Variants in SPAG16 observed in about 807,000 individuals in gnomAD.
SPAG16 encodes the protein sperm-associated antigen 16 protein.
Under a neutral mutation model 80.4 loss-of-function variants are expected in SPAG16, and 86 were observed. The observed-to-expected ratio is 1.07, with a 90% CI of 0.90 to 1.28. The LOEUF is 1.28. Among genes scored for constraint, SPAG16 ranks in the 50% most tolerant of loss-of-function variants. SPAG16 has a pLI of 0.00. For synonymous variants in SPAG16, 294 were observed against 265.9 expected, an observed-to-expected ratio of 1.11 and a Z score of -1.03; for missense variants, 870 against 765.3, an observed-to-expected ratio of 1.14 and a Z score of -1.61.
At chr2:213,996,100 G>A (rs1454694948) in intron 12 of SPAG16, among the ~76,000 whole-genome samples, 1 of 152,166 alleles carries the variant, frequency 6.6e-6, no homozygotes, top group Non-Finnish European at 1.5e-5. Context: ...TATTCCAGAG[G>A]CAAGGAATTA....
chr2:213,648,000 T>C (rs2062883171), intron 10 of SPAG16, among the ~76,000 whole-genome samples: 1 of 152,214 alleles, frequency 6.6e-6, no homozygotes, highest in African/African-American at 2.4e-5. Flanking sequence ...CCCAGAAATG[T>C]CTACTCTCTT....
intron 10 of SPAG16, among the ~76,000 whole-genome samples, chr2:213,624,774 A>G (rs1259513472): frequency 6.6e-6 from 1 of 152,166 alleles, no homozygotes; most frequent in Non-Finnish European, 1.5e-5. Context: ...TGGACAAGAT[A>G]CTTAAGGCCT....
Position 213,317,226 on chromosome 2 carries a change from T to A in SPAG16, c.406T>A (p.Leu136Ile), listed in dbSNP as rs1449043844. The A allele has an allele frequency of 6.3e-7, 1 of 1,589,688 alleles. No homozygotes were observed. The highest frequency in any genetic ancestry group is 8.6e-7 in the Non-Finnish European group (1 of 1,166,596). The change falls in exon 5 of 16, where the codon TTA becomes ATA. Residue 136 changes from leucine (L) to isoleucine (I), a missense_variant. Physicochemically the swap from Leu to Ile is conservative, Grantham distance 5. Transcript: ENST00000331683. ...LDCFQSEWYELIQKGVTELRT... is the reference protein window; with the variant it reads ...LDCFQSEWYEIIQKGVTELRT... ...TGTTTGATTTTATCCTAGGTATGAG[T>A]TAATACAGAAAGGAGTGACTGAACT...
chr2:213,906,957 T>C (rs1453702206), intron 11 of SPAG16, among the ~76,000 whole-genome samples: 2 of 151,950 alleles, frequency 1.3e-5, no homozygotes, highest in Non-Finnish European at 2.9e-5. Context: ...TAGACAAAGA[T>C]TTTGTGGGTA....
chr2:214,315,717 A>T (rs1359677092), intron 15 of SPAG16, among the ~76,000 whole-genome samples: 2 of 151,780 alleles, frequency 1.3e-5, no homozygotes, highest in Non-Finnish European at 2.9e-5. Context: ...TTTTTTGTAG[A>T]GTTGGGGTCT....
intron 15 of SPAG16, among the ~76,000 whole-genome samples, chr2:214,271,519 G>T (rs1691999346): frequency 6.6e-6 from 1 of 152,150 alleles, no homozygotes; most frequent in African/African-American, 2.4e-5. Context: ...AAGAGAAACT[G>T]GCCACGTGTG....
chr2:214,134,273 C>T (rs1559831930), intron 14 of SPAG16, among the ~76,000 whole-genome samples: 1 of 152,112 alleles, frequency 6.6e-6, no homozygotes, highest in Admixed American at 6.6e-5. Flanking sequence ...TGATCTTGCT[C>T]TTCCCTCTTC....
chr2:213,328,087 A>G (rs1318904035), intron 5 of SPAG16, among the ~76,000 whole-genome samples: 3 of 152,132 alleles, frequency 2.0e-5, no homozygotes, highest in East Asian at 1.9e-4. Context: ...ATATGATATT[A>G]TTATCATATT....
At chr2:214,004,593 A>G (rs1280635354) in intron 12 of SPAG16, among the ~76,000 whole-genome samples, 1 of 152,128 alleles carries the variant, frequency 6.6e-6, no homozygotes, top group Non-Finnish European at 1.5e-5. Flanking sequence ...GGGCTAGAGT[A>G]GTCGATTCTT....
intron 13 of SPAG16, among the ~76,000 whole-genome samples, chr2:214,067,645 A>C (rs1025895277): frequency 2.0e-5 from 3 of 152,166 alleles, no homozygotes; most frequent in East Asian, 1.9e-4. Flanking sequence ...AAAAAAAAAA[A>C]ACTAAAATTT....
intron 14 of SPAG16, among the ~76,000 whole-genome samples, chr2:214,115,094 T>A (rs1208466324): frequency 6.6e-6 from 1 of 152,246 alleles, no homozygotes; most frequent in Non-Finnish European, 1.5e-5. Flanking sequence ...CTAATATTTT[T>A]AAAAAATAAT....
intron 12 of SPAG16, among the ~76,000 whole-genome samples, chr2:213,949,092 AT>A (rs1235794597): frequency 6.7e-6 from 1 of 149,596 alleles, no homozygotes; most frequent in Non-Finnish European, 1.5e-5. Flanking sequence ...GAGCAATAGG[AT>A]TGTTCATATT....
At chr2:213,599,949 G>A (rs751192478) in intron 10 of SPAG16, among the ~76,000 whole-genome samples, 18 of 152,184 alleles carry the variant, frequency 1.2e-4, no homozygotes, top group Non-Finnish European at 2.1e-4. Flanking sequence ...GCCTCTCACA[G>A]TGCTGGGATT....
intron 12 of SPAG16, among the ~76,000 whole-genome samples, chr2:213,979,646 A>G (rs1427020021): frequency 6.6e-6 from 1 of 152,066 alleles, no homozygotes; most frequent in African/African-American, 2.4e-5. Context: ...TCCCTGATCC[A>G]ATTGCCTCTA....
intron 14 of SPAG16, among the ~76,000 whole-genome samples, chr2:214,127,217 A>G (rs1169733513): frequency 2.0e-5 from 3 of 151,760 alleles, no homozygotes; most frequent in Non-Finnish European, 4.4e-5. Context: ...TCCTCCCTGG[A>G]TAAAGGACAA....
In SPAG16 at chr2:213,988,055, G is replaced by A. The variant is rs543539931; in HGVS notation, c.1401-25896G>A. ...AGAAAAAAGGGATTGAAAATCTGGG[G>A]ATCTGAAATGATTGTACTGTAAGAT... On this transcript the variant is annotated intron_variant, in intron 12 of 15. Transcript: ENST00000331683. 1.9e-4 allele frequency among the ~76,000 whole-genome samples: 29 copies of A among 151,846 alleles called. 1 individual carries two copies. The highest frequency in any genetic ancestry group is 6.5e-4 in the African/African-American group (27 of 41,490).
At position 213,932,168 on chromosome 2, in the gene SPAG16, A is replaced by T. The variant is rs201904656; in HGVS notation, c.1400+2023A>T. Among the ~76,000 whole-genome samples the T allele has an allele frequency of 2.0e-3, 41 of 20,082 alleles. No homozygotes were observed. The South Asian group carries it at 0.03, about 15-fold the overall frequency. The allele number at this position is 20,082 out of a possible 152,430, so 13.2% of individuals were successfully genotyped here. ...ACTGCATATATATATATATATATAT[A>T]TATATATATATATATATATATATAT... On this transcript the variant is annotated intron_variant, in intron 12 of 15. Transcript: ENST00000331683.
intron 15 of SPAG16, among the ~76,000 whole-genome samples, chr2:214,355,775 A>G (rs199529611): frequency 1.4e-4 from 21 of 151,998 alleles, no homozygotes; most frequent in Non-Finnish European, 4.4e-5. Context: ...AACTAACCCA[A>G]ATGTCCAACA....
intron 13 of SPAG16, among the ~76,000 whole-genome samples, chr2:214,055,861 G>T (rs1362828621): frequency 6.6e-6 from 1 of 152,080 alleles, no homozygotes; most frequent in Non-Finnish European, 1.5e-5. Flanking sequence ...AGAAATTGAA[G>T]GGAAATAACC....
Sources: gnomAD v4.1 joint callset for allele counts (sites outside exome capture counted in the v4.1 genomes callset) on GRCh38, gnomAD v4.1.1 for gene constraint, MANE v1.5 for transcripts, NCBI Gene and HGNC (gene_info 2026-07-23, HGNC 2026-07-21) for gene names.